Variants in OR2L13 observed in about 807,000 individuals in gnomAD.
OR2L13 encodes olfactory receptor family 2 subfamily L member 13, also known as olfactory receptor 2L13.
In OR2L13, 14 loss-of-function variants were observed where a neutral mutation model predicts 15.3. The observed-to-expected ratio is 0.91, with a 90% CI of 0.60 to 1.43. The LOEUF is 1.43. Ranked by LOEUF, OR2L13 falls within the 40% of genes most tolerant of loss-of-function variation. OR2L13 has a pLI of 0.00. For missense variants in OR2L13, 367 were observed against 387.9 expected, an observed-to-expected ratio of 0.95 and a Z score of 0.45; for synonymous variants, 152 against 142.9, an observed-to-expected ratio of 1.06 and a Z score of -0.45.
chr1:247,978,490 A>G, the OR2L13 span, among the ~76,000 whole-genome samples: 30 of 152,304 alleles, frequency 2.0e-4, no homozygotes, highest in Non-Finnish European at 4.0e-4. Flanking sequence ...GCTTCTTTTT[A>G]AGTAAATGTC....
At chr1:247,967,830 A>T in the OR2L13 span, among the ~76,000 whole-genome samples, 1 of 151,434 alleles carries the variant, frequency 6.6e-6, no homozygotes, top group South Asian at 2.1e-4. Flanking sequence ...ACCAGTTGTA[A>T]GTTCTCCTCC....
At chr1:248,008,381 C>A in the OR2L13 span, among the ~76,000 whole-genome samples, 1 of 152,110 alleles carries the variant, frequency 6.6e-6, no homozygotes, top group South Asian at 2.1e-4. Context: ...ACTTCATACT[C>A]TTGTGAAGAG....
the OR2L13 span, among the ~76,000 whole-genome samples, chr1:248,011,225 G>C: frequency 1.3e-5 from 2 of 152,042 alleles, no homozygotes; most frequent in Admixed American, 1.3e-4. Flanking sequence ...TAGTTTGGCT[G>C]GATATGAAAT....
the OR2L13 span, chr1:248,060,961 A>G: frequency 6.2e-7 from 1 of 1,613,936 alleles, no homozygotes; most frequent in South Asian, 1.1e-5. Flanking sequence ...TATCTCCTTC[A>G]CTGGGTGTGG....
the OR2L13 span, among the ~76,000 whole-genome samples, chr1:248,048,921 C>T: frequency 0.017 from 2,407 of 141,976 alleles, 46 homozygotes; most frequent in African/African-American, 0.064. Context: ...TTTTCTCTCT[C>T]TCTTTTTTTT....
chr1:248,096,403 C>A (rs76938567), upstream of OR2L13, among the ~76,000 whole-genome samples: 12,623 of 151,232 alleles, frequency 0.083, 1,347 homozygotes, highest in African/African-American at 0.25. Context: ...AAAATGAAAA[C>A]CAAGAGTGAA....
At chr1:247,997,557 A>G in the OR2L13 span, among the ~76,000 whole-genome samples, 1 of 152,210 alleles carries the variant, frequency 6.6e-6, no homozygotes, top group African/African-American at 2.4e-5. Flanking sequence ...CTGCCAATAT[A>G]AACCAAACTG....
chr1:247,952,907 C>T, the OR2L13 span, among the ~76,000 whole-genome samples: 1 of 152,040 alleles, frequency 6.6e-6, no homozygotes, highest in Non-Finnish European at 1.5e-5. Flanking sequence ...AATATGGGTG[C>T]CTTGTACCTG....
At chr1:247,987,558 G>C in the OR2L13 span, among the ~76,000 whole-genome samples, 1 of 152,134 alleles carries the variant, frequency 6.6e-6, no homozygotes, top group Non-Finnish European at 1.5e-5. Context: ...GTAATGCATA[G>C]ACATGGTGTC....
At chr1:248,073,635 AAT>A in the OR2L13 span, among the ~76,000 whole-genome samples, 1 of 151,926 alleles carries the variant, frequency 6.6e-6, no homozygotes, top group Admixed American at 6.5e-5. Flanking sequence ...ATAATAATAA[AAT>A]AAAAAAGAAT....
the OR2L13 span, chr1:248,003,693 G>A: frequency 4.3e-6 from 7 of 1,612,830 alleles, no homozygotes; most frequent in South Asian, 7.7e-5. Context: ...ACTCTGGCCT[G>A]CATGGACACC....
At chr1:247,976,497 T>G in the OR2L13 span, among the ~76,000 whole-genome samples, 4,005 of 152,326 alleles carry the variant, frequency 0.026, 82 homozygotes, top group South Asian at 0.07. Context: ...GAATGGGTTT[T>G]AAGTCCTCTT....
At chr1:248,008,175 G>C in the OR2L13 span, among the ~76,000 whole-genome samples, 3 of 152,130 alleles carry the variant, frequency 2.0e-5, no homozygotes, top group Non-Finnish European at 4.4e-5. Context: ...GGAATTGGAA[G>C]AATGCAGTTG....
At chr1:248,005,027 G>C in the OR2L13 span, among the ~76,000 whole-genome samples, 2 of 152,128 alleles carry the variant, frequency 1.3e-5, no homozygotes, top group Non-Finnish European at 2.9e-5. Context: ...AAGGGTGCAG[G>C]GGAGGGGTGA....
the OR2L13 span, among the ~76,000 whole-genome samples, chr1:248,021,470 T>A: frequency 6.6e-6 from 1 of 152,318 alleles, no homozygotes; most frequent in African/African-American, 2.4e-5. Context: ...CTGAAAATAT[T>A]GGGTGGAAAA....
the OR2L13 span, chr1:248,055,921 G>A: frequency 6.6e-6 from 1 of 152,146 alleles, no homozygotes; most frequent in Non-Finnish European, 1.5e-5. Context: ...CCTTTGGTAA[G>A]CTATTTATTA....
the OR2L13 span, among the ~76,000 whole-genome samples, chr1:248,032,606 A>G: frequency 6.6e-6 from 1 of 152,204 alleles, no homozygotes; most frequent in South Asian, 2.1e-4. Context: ...AATTCATACA[A>G]TACTTGCCTG....
At chr1:248,017,133 T>C in the OR2L13 span, among the ~76,000 whole-genome samples, 2 of 152,212 alleles carry the variant, frequency 1.3e-5, no homozygotes, top group Non-Finnish European at 2.9e-5. Context: ...TCATTAATGC[T>C]GATGCCCAGG....
chr1:248,063,368 C>T, the OR2L13 span: 1 of 152,150 alleles, frequency 6.6e-6, no homozygotes, highest in Non-Finnish European at 1.5e-5. Flanking sequence ...TATTTCTAAG[C>T]CTGTGGATAT....
Sources: allele counts gnomAD v4.1 joint callset (sites outside exome capture counted in the v4.1 genomes callset), GRCh38; gene constraint gnomAD v4.1.1; transcripts MANE v1.5; gene names NCBI Gene and HGNC (gene_info 2026-07-23, HGNC 2026-07-21).